Variants in PRRG4 observed in about 807,000 individuals in gnomAD.
PRRG4 encodes the protein transmembrane gamma-carboxyglutamic acid protein 4.
Under a neutral mutation model 20.0 loss-of-function variants are expected in PRRG4, and 12 were observed. The observed-to-expected ratio is 0.60, with a 90% confidence interval of 0.38 to 0.97. The LOEUF is 0.97. Ranked by LOEUF, PRRG4 falls within the 50% of genes least tolerant of loss-of-function variation. The pLI, the probability that PRRG4 is intolerant of heterozygous loss-of-function variation, is 0.00. For synonymous variants in PRRG4, 94 were observed against 96.4 expected (o/e 0.98, Z 0.15); for missense variants, 199 against 265.1 (o/e 0.75, Z 1.73).
intron 2 of PRRG4, among the ~76,000 whole-genome samples, chr11:32,831,174 G>A (rs1234154639): frequency 6.6e-6 from 1 of 152,100 alleles, no homozygotes; most frequent in Admixed American, 6.5e-5. Context: ...TAGGTTTGGG[G>A]CTTGCTAACC....
In PRRG4 at chr11:32,854,502, G is replaced by C. The variant is rs971203035; in HGVS notation, c.*975G>C. On this transcript the variant is annotated 3_prime_UTR_variant, in exon 6 of 6. Transcript: ENST00000257836. Reference sequence around the variant, plus strand: ...GAACTCGGGAGGTGGAGGTTGTAGTGAGGCGAGATTGTGCCATTGCACTCC... The same window carrying C: ...GAACTCGGGAGGTGGAGGTTGTAGTCAGGCGAGATTGTGCCATTGCACTCC... 1 of 148,688 alleles carries C rather than the reference G, an allele frequency of 6.7e-6. No homozygotes were observed. Among genetic ancestry groups the C allele is most frequent in the Non-Finnish European group, 1.5e-5 (1 of 67,570 alleles). The allele number at this position is 148,688 out of a possible 1,614,324, so 9.2% of individuals were successfully genotyped here.
Position 32,830,166 on chromosome 11 carries a change from G to T in PRRG4, c.-30G>T, listed in dbSNP as rs1198018731. ...GGGGGCTGCTGGAACATGTGCGGGG[G>T]GACACAGGTACGAGGCCTGGCGGCA... On this transcript the variant is annotated 5_prime_UTR_variant, in exon 1 of 6. Transcript: ENST00000257836. The T allele has an allele frequency of 1.7e-5, 17 of 1,028,180 alleles. No individual in the cohort carries two copies. The highest frequency in any genetic ancestry group is 2.0e-5 in the Non-Finnish European group (17 of 858,684). The allele number at this position is 1,028,180 out of a possible 1,614,324, so 63.7% of individuals were successfully genotyped here.
At chr11:32,835,935 C>T (rs1454328001) in intron 2 of PRRG4, among the ~76,000 whole-genome samples, 4 of 151,980 alleles carry the variant, frequency 2.6e-5, no homozygotes, top group African/African-American at 7.2e-5. Context: ...AACCTCATAT[C>T]TACTAAAAAT....
chr11:32,837,437 A>C (rs1205843450), intron 3 of PRRG4, among the ~76,000 whole-genome samples: 1 of 151,756 alleles, frequency 6.6e-6, no homozygotes, highest in Non-Finnish European at 1.5e-5. Flanking sequence ...GTTAATCTTG[A>C]TAAGGTACAA....
intron 5 of PRRG4, among the ~76,000 whole-genome samples, chr11:32,851,364 GCAAA>G (rs1301790050): frequency 1.3e-5 from 2 of 152,062 alleles, no homozygotes; most frequent in South Asian, 2.1e-4. Flanking sequence ...TATCTTGTAA[GCAAA>G]CAAATAGAAC....
chr11:32,830,041 C>A lies in PRRG4; in HGVS notation c.-155C>A. The A allele has an allele frequency of 1.0e-6, 1 of 987,176 alleles. No individual in the cohort carries two copies. The highest frequency in any genetic ancestry group is 1.2e-6 in the Non-Finnish European group (1 of 831,226). 61.2% of individuals were successfully genotyped at this position (987,176 alleles called of 1,614,324 possible). On this transcript the variant is annotated 5_prime_UTR_variant, in exon 1 of 6. Coordinates refer to ENST00000257836, the MANE Select transcript of PRRG4 (RefSeq NM_024081.6). The stretch of plus-strand genomic sequence containing the variant: ...GTTTGCGCGCGGGGGCCATCCAGAC[C>A]CTGCGGAGAGCGAGGCCCGGAGCGT...
In PRRG4 at chr11:32,858,083, C is replaced by T. The variant is rs970054812; in HGVS notation, c.*4556C>T. On this transcript the variant is annotated 3_prime_UTR_variant, in exon 6 of 6. Coordinates refer to ENST00000257836, the MANE Select transcript of PRRG4 (RefSeq NM_024081.6). ...ATTTTAAGAGGTTTCCTGTTATATA[C>T]ACTTTTTACACATGCAAATAAACTT... 3 of 152,108 alleles carry T rather than the reference C, an allele frequency of 2.0e-5. No homozygotes were observed. The highest frequency in any genetic ancestry group is 7.2e-5 in the African/African-American group (3 of 41,428). 9.4% of individuals were successfully genotyped at this position (152,108 alleles called of 1,614,324 possible).
intron 5 of PRRG4, among the ~76,000 whole-genome samples, chr11:32,846,775 G>A (rs529986741): frequency 2.7e-4 from 41 of 152,190 alleles, no homozygotes; most frequent in African/African-American, 9.1e-4. Flanking sequence ...CGAGGCAGGC[G>A]GATCACGAGG....
intron 5 of PRRG4, among the ~76,000 whole-genome samples, chr11:32,842,581 G>A (rs983564561): frequency 1.3e-5 from 2 of 151,836 alleles, no homozygotes; most frequent in Admixed American, 6.6e-5. Context: ...TTAGCCAGGC[G>A]TGGTGGCACA....
chr11:32,851,117 TTTC>T (rs1385060147), intron 5 of PRRG4, among the ~76,000 whole-genome samples: 1 of 152,004 alleles, frequency 6.6e-6, no homozygotes, highest in Non-Finnish European at 1.5e-5. Flanking sequence ...GAAAAGACCT[TTTC>T]ATTTCTTAGT....
chr11:32,832,875 A>G (rs1850987130), intron 2 of PRRG4, among the ~76,000 whole-genome samples: 1 of 152,180 alleles, frequency 6.6e-6, no homozygotes, highest in African/African-American at 2.4e-5. Flanking sequence ...AGAAGAACGG[A>G]ATATCTGGGT....
intron 2 of PRRG4, among the ~76,000 whole-genome samples, chr11:32,833,912 T>G (rs2664693): frequency 0.89 from 134,978 of 151,982 alleles, 60,145 homozygotes; most frequent in East Asian, 0.99. Context: ...AGGGATGGGG[T>G]TTCAAGGTAG....
In PRRG4 at chr11:32,845,364, G is replaced by A. The variant is rs187759448; in HGVS notation, c.449+5125G>A. ...CACTCGGCTGGGTGCGGTGGCTCAC[G>A]TCTGTAATCCCAGCACTTTGGGAGG... is the stretch of plus-strand genomic sequence containing the variant. On this transcript the variant is annotated intron_variant, in intron 5 of 5. Coordinates refer to ENST00000257836, the MANE Select transcript of PRRG4 (RefSeq NM_024081.6). Among the ~76,000 whole-genome samples the A allele has an allele frequency of 5.9e-5, 9 of 152,266 alleles. No individual in the cohort carries two copies. In the East Asian group the frequency reaches 1.7e-3, roughly 29 times the overall value.
At chr11:32,839,061 T>C (rs779375839) in intron 4 of PRRG4, 131 bp downstream of exon 4, 211 of 641,862 alleles carry the variant, frequency 3.3e-4, no homozygotes, top group Non-Finnish European at 5.2e-4. Context: ...ATTTCTCAAC[T>C]ATGCACCGGG....
chr11:32,848,763 G>C (rs1851153431), intron 5 of PRRG4, among the ~76,000 whole-genome samples: 1 of 152,134 alleles, frequency 6.6e-6, no homozygotes, highest in Non-Finnish European at 1.5e-5. Context: ...CCTGAGGTCA[G>C]GAGTTCAAGA....
intron 2 of PRRG4, among the ~76,000 whole-genome samples, chr11:32,832,817 A>G (rs903440129): frequency 6.6e-6 from 1 of 152,168 alleles, no homozygotes; most frequent in Non-Finnish European, 1.5e-5. Context: ...TAGAGTTGAA[A>G]TGACTGAAAA....
chr11:32,853,472 G>A lies in PRRG4; in HGVS notation c.626G>A (p.Gly209Glu). 1 of 1,613,956 alleles carries A rather than the reference G, an allele frequency of 6.2e-7. No individual in the cohort carries two copies. Among genetic ancestry groups the A allele is most frequent in the Non-Finnish European group, 8.5e-7 (1 of 1,180,002 alleles). Residue 209 changes from glycine (G) to glutamate (E), a missense_variant, in exon 6 of 6, where the codon GGG becomes GAG. Transcript: ENST00000257836. Reference sequence around the variant, plus strand: ...GTTTCACCACCACCACCATATCCTGGGCACACAAAAGGATTTAGGGTATTT... The same window carrying A: ...GTTTCACCACCACCACCATATCCTGAGCACACAAAAGGATTTAGGGTATTT... ...HSVSPPPPYPGHTKGFRVFKK... is the reference protein window; with the variant it reads ...HSVSPPPPYPEHTKGFRVFKK...
chr11:32,835,706 T>C (rs997362210), intron 2 of PRRG4, among the ~76,000 whole-genome samples: 2 of 152,244 alleles, frequency 1.3e-5, no homozygotes, highest in Non-Finnish European at 2.9e-5. Flanking sequence ...TTTAGTTAAA[T>C]CTTATAATTA....
Position 32,840,322 on chromosome 11 carries a change from T to A in PRRG4, c.449+83T>A, listed in dbSNP as rs557643656. ...ACAATGGGTCAAGCAAATGGCTGCC[T>A]ATTTTCTTAAATAAGCCTTTTATTT... On this transcript the variant is annotated intron_variant, in intron 5 of 5. Transcript: ENST00000257836. This position sits in a 1 kb window ranked among gnomAD's most constrained non-coding sequence, Gnocchi z 4.1. The A allele has an allele frequency of 2.2e-5, 23 of 1,048,432 alleles. No homozygotes were observed. In the South Asian group the frequency reaches 3.7e-4, roughly 17 times the overall value. 64.9% of individuals were successfully genotyped at this position (1,048,432 alleles called of 1,614,324 possible).
Sources: allele counts gnomAD v4.1 joint callset (sites outside exome capture counted in the v4.1 genomes callset), GRCh38; gene constraint gnomAD v4.1.1; non-coding constraint Gnocchi (gnomAD v3.1); transcripts MANE v1.5; gene names NCBI Gene and HGNC (gene_info 2026-07-23, HGNC 2026-07-21).